PTPRS: variants seen among roughly 807,000 people sequenced by gnomAD.
PTPRS encodes protein tyrosine phosphatase receptor type S.
Under a neutral mutation model 215.3 loss-of-function variants are expected in PTPRS, and 63 were observed. The ratio of observed to expected loss-of-function variants is 0.29; its 90% confidence interval spans 0.24 to 0.36. PTPRS has a LOEUF of 0.36. Ranked by LOEUF, PTPRS falls within the 10% of genes least tolerant of loss-of-function variation. PTPRS has a pLI of 1.00. For synonymous variants in PTPRS, 1,404 were observed against 1,191.4 expected, an observed-to-expected ratio of 1.18 and a Z score of -3.68; for missense variants, 2,258 against 2,825.8, an observed-to-expected ratio of 0.80 and a Z score of 4.56.
chr19:5,218,097 C>T (rs1244119149), intron 25 of PTPRS, among the ~76,000 whole-genome samples: 2 of 152,070 alleles, frequency 1.3e-5, no homozygotes, highest in African/African-American at 4.8e-5. Context: ...AAGAATAGCT[C>T]TTTCTGCCCA....
At position 5,294,651 on chromosome 19, in the gene PTPRS, TAA is replaced by T. The variant is rs1335247218; in HGVS notation, c.-94-8419_-94-8418del. On this transcript the variant is annotated intron_variant, in intron 1 of 37. Coordinates refer to ENST00000262963, the MANE Select transcript of PTPRS (RefSeq NM_002850.4). This position sits in a 1 kb window ranked among gnomAD's most constrained non-coding sequence, Gnocchi z 5.1. ...GCTCCCATCTCCTTCAAACATCGAA[TAA>T]ATGCCTCCCTCACTGGGGGATACCA... 2 of 152,114 alleles carry T rather than the reference TAA, an allele frequency of 1.3e-5. No individual in the cohort carries two copies. Among genetic ancestry groups the T allele is most frequent in the Non-Finnish European group, 2.9e-5 (2 of 68,018 alleles). 9.4% of individuals were successfully genotyped at this position (152,114 alleles called of 1,614,324 possible). A position where few individuals can be genotyped will look rare whatever the true frequency, so the allele number is the denominator to read the frequency against.
At chr19:5,263,894 C>T (rs2046211344) in intron 5 of PTPRS, among the ~76,000 whole-genome samples, 1 of 152,214 alleles carries the variant, frequency 6.6e-6, no homozygotes, top group Admixed American at 6.5e-5. Flanking sequence ...CACACCTGTG[C>T]CCACAGGCGG....
At chr19:5,309,595 C>T (rs2049625196) in intron 1 of PTPRS, among the ~76,000 whole-genome samples, 1 of 152,160 alleles carries the variant, frequency 6.6e-6, no homozygotes, top group Admixed American at 6.5e-5. Flanking sequence ...AGGCGTCCTG[C>T]TAATGGGGGC....
chr19:5,302,321 C>T (rs563339225), intron 1 of PTPRS, among the ~76,000 whole-genome samples: 2 of 152,178 alleles, frequency 1.3e-5, no homozygotes, highest in South Asian at 4.1e-4. Flanking sequence ...GCTAAGATCC[C>T]GCCACTAAAC....
intron 25 of PTPRS, among the ~76,000 whole-genome samples, chr19:5,217,994 G>A (rs1397220615): frequency 6.6e-6 from 1 of 152,122 alleles, no homozygotes; most frequent in Non-Finnish European, 1.5e-5. Context: ...TCTGTACCTT[G>A]CTAGGGATAT....
intron 1 of PTPRS, among the ~76,000 whole-genome samples, chr19:5,329,323 G>C (rs2050253545): frequency 6.6e-6 from 1 of 152,098 alleles, no homozygotes; most frequent in African/African-American, 2.4e-5. Flanking sequence ...AAGTCACACA[G>C]CTCGTAAGGG....
At chr19:5,280,072 T>C (rs1398217900) in intron 2 of PTPRS, among the ~76,000 whole-genome samples, 2 of 152,220 alleles carry the variant, frequency 1.3e-5, no homozygotes, top group Non-Finnish European at 2.9e-5. Context: ...AAGTAAAAGT[T>C]TGGGGTCTGA....
chr19:5,262,549 C>G (rs2046083850), intron 6 of PTPRS, among the ~76,000 whole-genome samples: 2 of 152,190 alleles, frequency 1.3e-5, no homozygotes, highest in Admixed American at 1.3e-4. Flanking sequence ...CCAGCCCCAG[C>G]CCCCAAACTT....
chr19:5,294,890 C>T lies in PTPRS; in HGVS notation c.-94-8656G>A, dbSNP rs1056571739. Among the ~76,000 whole-genome samples the T allele has an allele frequency of 1.3e-5, 2 of 152,166 alleles. No individual in the cohort carries two copies. The highest frequency in any genetic ancestry group is 1.9e-4 in the East Asian group (1 of 5,194). On this transcript the variant is annotated intron_variant, in intron 1 of 37. Coordinates refer to ENST00000262963, the MANE Select transcript of PTPRS (RefSeq NM_002850.4). The surrounding 1 kb of genome is among the most constrained non-coding windows in gnomAD (Gnocchi z 5.1). ...AAACACAGGATGCCGTGACGTCCCC[C>T]GTCCCACGCAGCCCCATCCTCGACG...
At chr19:5,328,361 C>T (rs564460904) in intron 1 of PTPRS, among the ~76,000 whole-genome samples, 6 of 152,090 alleles carry the variant, frequency 3.9e-5, no homozygotes, top group African/African-American at 4.8e-5. Flanking sequence ...CCACCAGTCT[C>T]GGCCTCCCAA....
rs1464691235 is a variant in PTPRS, at chr19:5,257,772, T to C, written c.706+245A>G. On this transcript the variant is annotated intron_variant, in intron 8 of 37. Coordinates refer to ENST00000262963, the MANE Select transcript of PTPRS (RefSeq NM_002850.4). This position sits in a 1 kb window ranked among gnomAD's most constrained non-coding sequence, Gnocchi z 4.4. The stretch of plus-strand genomic sequence containing the variant: ...CCACCATCACTGCCTCCCCAGAGCC[T>C]GCTGCCCACGGGGCATCTCTCGCAA... Among the ~76,000 whole-genome samples the C allele has an allele frequency of 4.6e-5, 7 of 152,182 alleles. No homozygotes were observed. Among genetic ancestry groups the C allele is most frequent in the African/African-American group, 1.7e-4 (7 of 41,450 alleles).
chr19:5,270,429 T>A (rs12976247), intron 4 of PTPRS, among the ~76,000 whole-genome samples: 2 of 151,540 alleles, frequency 1.3e-5, no homozygotes, highest in African/African-American at 2.4e-5. Context: ...TACTTGGGAC[T>A]ATAGGCAGGC....
chr19:5,267,307 G>C (rs113395584), intron 4 of PTPRS, among the ~76,000 whole-genome samples: 24,136 of 152,098 alleles, frequency 0.16, 2,192 homozygotes, highest in South Asian at 0.22. Flanking sequence ...CTTCTGGGCT[G>C]AGGTGATGAG....
At chr19:5,249,619 C>G (rs2044816414) in intron 9 of PTPRS, among the ~76,000 whole-genome samples, 1 of 152,232 alleles carries the variant, frequency 6.6e-6, no homozygotes, top group Non-Finnish European at 1.5e-5. Context: ...TGGCATCTAG[C>G]TCTTTCAAAC....
At chr19:5,283,119 C>T (rs1261248213) in intron 2 of PTPRS, among the ~76,000 whole-genome samples, 1 of 152,246 alleles carries the variant, frequency 6.6e-6, no homozygotes. Flanking sequence ...ATTCTGCAGA[C>T]AAGAATCCAG....
Position 5,210,786 on chromosome 19 carries a change from C to A in PTPRS, c.5254G>T (p.Ala1752Ser), listed in dbSNP as rs145869121. The change falls in exon 34 of 38, where the codon GCG (alanine) becomes TCG (serine). Residue 1752 changes from alanine to serine, a missense_variant. Physicochemically the swap from Ala to Ser is moderately conservative, Grantham distance 99. This residue lies in a region of PTPRS where 927 missense variants were observed against 1,125.9 expected (regional missense o/e 0.82). Coordinates refer to ENST00000262963, the MANE Select transcript of PTPRS (RefSeq NM_002850.4). The surrounding 1 kb of genome is among the most constrained non-coding windows in gnomAD (Gnocchi z 4.5). ...GTCTCCGCCAGCGGCCCCTGTGTCG[C>A]GATGTAGGCCTTCTGCTGCCTGCAG... Reference protein sequence around the residue: ...DGYRQQKAYIATQGPLAETTE... With the variant: ...DGYRQQKAYISTQGPLAETTE... The A allele has an allele frequency of 6.2e-7, 1 of 1,613,932 alleles. No homozygotes were observed. Among genetic ancestry groups the A allele is most frequent in the East Asian group, 2.2e-5 (1 of 44,882 alleles).
At chr19:5,235,191 C>T (rs917409015) in intron 13 of PTPRS, among the ~76,000 whole-genome samples, 10 of 152,180 alleles carry the variant, frequency 6.6e-5, no homozygotes, top group African/African-American at 1.9e-4. Flanking sequence ...CCGCCCACCT[C>T]GGCCTCCCAA....
rs1470823698 is a variant in PTPRS at position 5,322,312 on chromosome 19, G to A, written c.-95+18352C>T. On this transcript the variant is annotated intron_variant, in intron 1 of 37. Coordinates refer to ENST00000262963, the MANE Select transcript of PTPRS (RefSeq NM_002850.4). ...AGGGAGGTAATATCACCTAACACCA[G>A]CTATATTTTTAAAAACCCCACAGCA... Among the ~76,000 whole-genome samples the A allele has an allele frequency of 3.3e-5, 5 of 152,196 alleles. No individual in the cohort carries two copies. The South Asian group carries it at 8.3e-4, about 25-fold the overall frequency.
rs369058883 is a variant in PTPRS, at chr19:5,212,464, G to A, written c.4642C>T (p.Arg1548Cys). The change falls in exon 31 of 38, where the codon CGC becomes TGC. Residue 1548 changes from arginine (R) to cysteine (C), a missense_variant. By Grantham distance (180) the Arg-to-Cys change is radical. This residue lies in a region of PTPRS where 927 missense variants were observed against 1,125.9 expected (regional missense o/e 0.82). Coordinates refer to ENST00000262963, the MANE Select transcript of PTPRS (RefSeq NM_002850.4). Reference sequence around the variant, plus strand: ...GGCCACGCCGTAAACTGGAACTGGCGGACCTCGCGTTTCTCACTGGAGCCA... The same window carrying A: ...GGCCACGCCGTAAACTGGAACTGGCAGACCTCGCGTTTCTCACTGGAGCCA... ...KNGSSEKREV[R>C]QFQFTAWPDH... 32 of 1,597,382 alleles carry A rather than the reference G, an allele frequency of 2.0e-5. No homozygotes were observed. Among genetic ancestry groups the A allele is most frequent in the South Asian group, 6.8e-5 (6 of 88,724 alleles).
Sources: gnomAD v4.1 joint callset for allele counts (sites outside exome capture counted in the v4.1 genomes callset) on GRCh38, gnomAD v4.1.1 for gene constraint, gnomAD v4.1.1 regional missense constraint, Gnocchi (gnomAD v3.1) non-coding constraint, MANE v1.5 for transcripts, NCBI Gene and HGNC (gene_info 2026-07-23, HGNC 2026-07-21) for gene names.